Variants in SAFB2 observed in about 807,000 individuals in gnomAD.
The protein encoded by SAFB2 is scaffold attachment factor B2.
SAFB2 carries 32 observed loss-of-function variants against 100.6 expected under a neutral mutation model. The observed-to-expected ratio is 0.32, with a 90% CI of 0.24 to 0.43. The LOEUF (loss-of-function observed/expected upper bound fraction) is 0.43, where lower values mean the gene tolerates loss of function less well. Among genes scored for constraint, SAFB2 ranks in the 20% least tolerant of loss-of-function variants. The pLI is 1.00. For synonymous variants in SAFB2, 500 were observed against 439.4 expected, an observed-to-expected ratio of 1.14 and a Z score of -1.72; for missense variants, 1,185 against 1,163.4, an observed-to-expected ratio of 1.02 and a Z score of -0.27.
intron 1 of SAFB2, among the ~76,000 whole-genome samples, chr19:5,622,318 G>A (rs901495256): frequency 3.3e-5 from 5 of 152,172 alleles, no homozygotes; most frequent in South Asian, 4.1e-4. Context: ...GAGGAGAAAA[G>A]GTGGAAAGAG....
intron 13 of SAFB2, among the ~76,000 whole-genome samples, chr19:5,598,152 A>AT (rs1568213048): frequency 6.6e-6 from 1 of 151,974 alleles, no homozygotes; most frequent in Non-Finnish European, 1.5e-5. Flanking sequence ...AAAAAAAAAA[A>AT]AAGTTAAGTC....
rs771669112 is a variant in SAFB2, at chr19:5,610,092, C to T, written c.1199G>A (p.Arg400Gln). The T allele has an allele frequency of 4.3e-6, 7 of 1,613,728 alleles. No homozygotes were observed. The highest frequency in any genetic ancestry group is 2.2e-5 in the East Asian group (1 of 44,874). ...IKPIIKDEKG[R>Q]VGSGSGRNLW... ...GTTCCGACCAGAACCGCTGCCGACC[C>T]GACCTGGCACGAGAGGGAGATTCTT... The change falls in exon 9 of 21, where the codon CGG (arginine) becomes CAG (glutamine). Residue 400 changes from arginine (R) to glutamine (Q), a missense_variant. Around this residue, in one of 3 missense-constraint regions of SAFB2, gnomAD observed 94 missense variants for 135.1 expected, o/e 0.70. Coordinates refer to ENST00000252542, the MANE Select transcript of SAFB2 (RefSeq NM_014649.3).
chr19:5,606,247 T>A (rs1168543285), intron 9 of SAFB2, among the ~76,000 whole-genome samples: 1 of 152,182 alleles, frequency 6.6e-6, no homozygotes, highest in Non-Finnish European at 1.5e-5. Flanking sequence ...CTCAGCTGTG[T>A]CCCAGAAAAA....
chr19:5,592,719 A>G, intron 16 of SAFB2, 28 bp downstream of exon 16: 3 of 1,612,924 alleles, frequency 1.9e-6, no homozygotes, highest in Non-Finnish European at 2.5e-6. Flanking sequence ...CAATGACTGT[A>G]GCTAAAGGAG....
intron 4 of SAFB2, among the ~76,000 whole-genome samples, chr19:5,615,043 T>C (rs1475006346): frequency 6.6e-6 from 1 of 152,082 alleles, no homozygotes; most frequent in Admixed American, 6.6e-5. Context: ...AAACCCTATC[T>C]CTACCAAAAA....
At chr19:5,601,213 A>G (rs943686727) in intron 11 of SAFB2, among the ~76,000 whole-genome samples, 5 of 152,184 alleles carry the variant, frequency 3.3e-5, no homozygotes, top group Admixed American at 3.3e-4. Context: ...TTAATGGTAC[A>G]TCCCAGAACT....
intron 5 of SAFB2, 111 bp from the exon 6 acceptor site, chr19:5,612,678 A>T (rs568060415): frequency 1.2e-6 from 1 of 833,034 alleles, no homozygotes; most frequent in African/African-American, 1.7e-5. Context: ...TGTTTCCACA[A>T]AACTTTCTTG....
rs368874349 is a variant in SAFB2, at chr19:5,600,151, G to T, written c.1669C>A (p.Arg557=). ...QDELKPGPTN[R]SRVTKSGSRG... is the part of the protein sequence containing the mutation. ...TCACCTGATTTGGTGACTCTAGACC[G>T]ATTTGTAGGTCCGGGTTTCAGCTCA... The change falls in exon 12 of 21, where the codon CGG becomes AGG. Residue 557 remains arginine (R), a synonymous_variant. Coordinates refer to ENST00000252542, the MANE Select transcript of SAFB2 (RefSeq NM_014649.3). 5 of 1,613,972 alleles carry T rather than the reference G, an allele frequency of 3.1e-6. No homozygotes were observed. Among genetic ancestry groups the T allele is most frequent in the Non-Finnish European group, 4.2e-6 (5 of 1,179,982 alleles).
chr19:5,620,825 G>C (rs1478774869), intron 2 of SAFB2, among the ~76,000 whole-genome samples: 2 of 152,178 alleles, frequency 1.3e-5, no homozygotes, highest in Non-Finnish European at 2.9e-5. Flanking sequence ...AACGGTCTGT[G>C]AATTAAACCT....
At chr19:5,606,306 T>G (rs1269171354) in intron 9 of SAFB2, among the ~76,000 whole-genome samples, 1 of 152,096 alleles carries the variant, frequency 6.6e-6, no homozygotes, top group Non-Finnish European at 1.5e-5. Context: ...ACCCAAAAAA[T>G]ACAATTCACA....
chr19:5,599,519 A>G (rs939177893), intron 12 of SAFB2, among the ~76,000 whole-genome samples: 1 of 152,186 alleles, frequency 6.6e-6, no homozygotes, highest in African/African-American at 2.4e-5. Context: ...AATGTGCTGT[A>G]CCAAATTTCA....
rs777191618 is a variant in SAFB2 at position 5,587,844 on chromosome 19, TCGTCCCTGGAGCCAGCCC to T, written c.2638+6_2638+23del. 2 of 1,595,140 alleles carry T rather than the reference TCGTCCCTGGAGCCAGCCC, an allele frequency of 1.3e-6. No individual in the cohort carries two copies. The highest frequency in any genetic ancestry group is 1.7e-6 in the Non-Finnish European group (2 of 1,170,154). The stretch of plus-strand genomic sequence containing the variant: ...ACACATGTGGGGGCCACAGCCACCC[TCGTCCCTGGAGCCAGCCC>T]CGTACCTTGCCACCTGGCGTGCTCC... On this transcript the variant is annotated splice_donor_region_variant and intron_variant, in intron 19 of 20. Transcript: ENST00000252542. The surrounding 1 kb of genome is among the most constrained non-coding windows in gnomAD (Gnocchi z 4.9).
At chr19:5,604,450 T>A in intron 11 of SAFB2, 133 bp downstream of exon 11, 4 of 635,182 alleles carry the variant, frequency 6.3e-6, no homozygotes, top group South Asian at 2.0e-5. Context: ...AAAAATCAGC[T>A]GAGACTCCAG....
chr19:5,617,269 C>CT (rs372218091), intron 2 of SAFB2, among the ~76,000 whole-genome samples: 2 of 149,798 alleles, frequency 1.3e-5, no homozygotes, highest in African/African-American at 2.5e-5. Flanking sequence ...AGCTCAAGAA[C>CT]TTTTTTTTTT....
intron 17 of SAFB2, 83 bp from the exon 18 acceptor site, chr19:5,590,491 C>A (rs1053550557): frequency 1.4e-6 from 2 of 1,441,366 alleles, no homozygotes; most frequent in East Asian, 2.6e-5. Flanking sequence ...CCACTGCAGG[C>A]CCCAGGGTGG....
In SAFB2 at chr19:5,604,623, T is replaced by G; in HGVS notation, c.1519A>C (p.Ser507Arg). ...TCCACAGAATGATGTCTGTCGACAC[T>G]CGATAATTTTTCCTTCTTCACTTCG... ...ECEVKKEKLSSVDRHHSVEIK... is the reference protein window; with the variant it reads ...ECEVKKEKLSRVDRHHSVEIK... Residue 507 changes from serine (S) to arginine (R), a missense_variant, in exon 11 of 21, where the codon AGT becomes CGT. Coordinates refer to ENST00000252542, the MANE Select transcript of SAFB2 (RefSeq NM_014649.3). The G allele has an allele frequency of 6.2e-7, 1 of 1,614,146 alleles. No homozygotes were observed. The highest frequency in any genetic ancestry group is 8.5e-7 in the Non-Finnish European group (1 of 1,179,992).
At position 5,595,389 on chromosome 19, in the gene SAFB2, G is replaced by T. The variant is rs1306823337; in HGVS notation, c.1891C>A (p.Arg631=). The T allele has an allele frequency of 3.1e-6, 5 of 1,612,302 alleles. No individual in the cohort carries two copies. In the East Asian group the frequency reaches 8.9e-5, roughly 29 times the overall value. ...CGCCTCTCCGTTTCGCGGATCTCCC[G>T]TTCCCGCTGCCTCTGGCGCTCTCTC... is the stretch of plus-strand genomic sequence containing the variant. The part of the protein sequence containing the change: ...RERERQRQRE[R]EIRETERRRE... The change falls in exon 14 of 21, where the codon CGG becomes AGG. Residue 631 remains arginine, a synonymous_variant. Coordinates refer to ENST00000252542, the MANE Select transcript of SAFB2 (RefSeq NM_014649.3).
intron 13 of SAFB2, among the ~76,000 whole-genome samples, chr19:5,598,050 G>A (rs764035371): frequency 4.7e-5 from 7 of 150,136 alleles, no homozygotes; most frequent in Admixed American, 1.3e-4. Flanking sequence ...GGCAGGAGTC[G>A]CTTGAACCCA....
At chr19:5,592,576 C>CGGA (rs2052433808) in intron 16 of SAFB2, among the ~76,000 whole-genome samples, 171 bp downstream of exon 16, 1 of 152,204 alleles carries the variant, frequency 6.6e-6, no homozygotes, top group African/African-American at 2.4e-5. Flanking sequence ...GCTGGGGATT[C>CGGA]CAGCAACTCG....
Sources: allele counts gnomAD v4.1 joint callset (sites outside exome capture counted in the v4.1 genomes callset), GRCh38; gene constraint gnomAD v4.1.1; regional missense constraint gnomAD v4.1.1; non-coding constraint Gnocchi (gnomAD v3.1); transcripts MANE v1.5; gene names NCBI Gene and HGNC (gene_info 2026-07-23, HGNC 2026-07-21).